SLC1A7: variants seen among roughly 807,000 people sequenced by gnomAD.
SLC1A7 encodes excitatory amino acid transporter 5.
In SLC1A7, 40 loss-of-function variants were observed where a neutral mutation model predicts 47.7. The ratio of observed to expected loss-of-function variants is 0.84; its 90% CI spans 0.65 to 1.09. SLC1A7 has a LOEUF of 1.09. SLC1A7 is among the 50% of genes least tolerant of loss of function. The pLI, the probability that SLC1A7 is intolerant of heterozygous loss-of-function variation, is 0.00. For synonymous variants in SLC1A7, 323 were observed against 325.6 expected, an observed-to-expected ratio of 0.99 and a Z score of 0.09; for missense variants, 746 against 769.5, an observed-to-expected ratio of 0.97 and a Z score of 0.36.
intron 5 of SLC1A7, among the ~76,000 whole-genome samples, chr1:53,100,609 TCGG>T (rs1644563466): frequency 6.6e-6 from 1 of 151,000 alleles, no homozygotes; most frequent in African/African-American, 2.4e-5. Context: ...ACAACCTGCC[TCGG>T]TACACTCACA....
At chr1:53,125,287 C>CAA (rs1433658749) in intron 2 of SLC1A7, among the ~76,000 whole-genome samples, 1 of 152,194 alleles carries the variant, frequency 6.6e-6, no homozygotes, top group African/African-American at 2.4e-5. Flanking sequence ...AGTTCCCCTG[C>CAA]AGGCAATTTT....
At chr1:53,110,262 A>G (rs1327963396) in intron 3 of SLC1A7, among the ~76,000 whole-genome samples, 1 of 152,190 alleles carries the variant, frequency 6.6e-6, no homozygotes, top group African/African-American at 2.4e-5. Flanking sequence ...CCAGGGCCAC[A>G]CAGTAACTTA....
chr1:53,116,064 T>G (rs920601524), intron 2 of SLC1A7: 1 of 152,248 alleles, frequency 6.6e-6, no homozygotes, highest in Non-Finnish European at 1.5e-5. Context: ...GTTTTAATCA[T>G]GTAAACAAGA....
At chr1:53,115,025 G>T in intron 2 of SLC1A7, 52 bp from the exon 3 acceptor site, 1 of 1,439,464 alleles carries the variant, frequency 6.9e-7, no homozygotes, top group Non-Finnish European at 9.7e-7. Flanking sequence ...GGGCCTGGCT[G>T]GCACTCAGCG....
chr1:53,124,875 A>G (rs1557686256), intron 2 of SLC1A7, among the ~76,000 whole-genome samples: 2 of 152,240 alleles, frequency 1.3e-5, no homozygotes, highest in African/African-American at 2.4e-5. Context: ...GTAAAACAGG[A>G]TCACCAAGGT....
At chr1:53,119,516 T>G (rs1037210435) in intron 2 of SLC1A7, among the ~76,000 whole-genome samples, 2 of 152,052 alleles carry the variant, frequency 1.3e-5, no homozygotes, top group Non-Finnish European at 1.5e-5. Context: ...GCCTGGCTAA[T>G]TTTTAAAAAT....
chr1:53,092,459 G>T, intron 7 of SLC1A7, 95 bp downstream of exon 7: 2 of 895,694 alleles, frequency 2.2e-6, no homozygotes, highest in Non-Finnish European at 3.6e-6. Context: ...CTGGCGTTTT[G>T]GTGGTTCTGT....
At chr1:53,091,823 G>T (rs1161910290) in intron 7 of SLC1A7, among the ~76,000 whole-genome samples, 1 of 152,194 alleles carries the variant, frequency 6.6e-6, no homozygotes, top group Non-Finnish European at 1.5e-5. Context: ...GCCATGGGGA[G>T]AGCCAAACTG....
intron 3 of SLC1A7, among the ~76,000 whole-genome samples, chr1:53,112,523 G>A (rs575632509): frequency 4.6e-5 from 7 of 152,346 alleles, no homozygotes; most frequent in African/African-American, 1.7e-4. Context: ...TTAGACAGTG[G>A]GTGGGAGCCT....
chr1:53,124,797 T>TCCCA (rs1421584490), intron 2 of SLC1A7, among the ~76,000 whole-genome samples: 1 of 152,206 alleles, frequency 6.6e-6, no homozygotes, highest in Non-Finnish European at 1.5e-5. Flanking sequence ...CTCAAGAGTC[T>TCCCA]AGCAGCCTCC....
intron 1 of SLC1A7, among the ~76,000 whole-genome samples, chr1:53,136,497 A>T (rs1644995487): frequency 6.8e-6 from 1 of 146,622 alleles, no homozygotes; most frequent in Non-Finnish European, 1.5e-5. Context: ...CCTGCCAACA[A>T]TATATTTTTA....
chr1:53,088,989 C>A lies in SLC1A7; in HGVS notation c.1362-10G>T. On this transcript the variant is annotated splice_polypyrimidine_tract_variant and intron_variant, in intron 9 of 10. Transcript: ENST00000371494. Reference sequence around the variant, plus strand: ...GGTGCGGAAACGGTCCCTGGTGAGCCAAGGTTGGGGGTGAGTGGTGGGCAC... The same window carrying A: ...GGTGCGGAAACGGTCCCTGGTGAGCAAAGGTTGGGGGTGAGTGGTGGGCAC... 6.2e-7 allele frequency: 1 copy of A among 1,612,422 alleles called. No individual in the cohort carries two copies. Among genetic ancestry groups the A allele is most frequent in the Non-Finnish European group, 8.5e-7 (1 of 1,178,610 alleles).
chr1:53,136,475 G>A (rs1036284633), intron 1 of SLC1A7, among the ~76,000 whole-genome samples: 2 of 147,180 alleles, frequency 1.4e-5, no homozygotes, highest in African/African-American at 5.0e-5. Flanking sequence ...TTACAGGCGT[G>A]AGCCACCATG....
intron 10 of SLC1A7, among the ~76,000 whole-genome samples, 178 bp from the exon 11 acceptor site, chr1:53,088,405 C>A (rs1282000501): frequency 6.6e-6 from 1 of 152,154 alleles, no homozygotes; most frequent in Non-Finnish European, 1.5e-5. Context: ...TGTTCCCAAG[C>A]GTCCTGCCTC....
chr1:53,139,612 T>G (rs1469352796), intron 1 of SLC1A7, among the ~76,000 whole-genome samples: 1 of 152,256 alleles, frequency 6.6e-6, no homozygotes, highest in African/African-American at 2.4e-5. Context: ...CCCTGCCTAG[T>G]GCAGCATCTT....
Position 53,088,946 on chromosome 1 carries a change from A to G in SLC1A7, c.1395T>C (p.Gly465=). The change falls in exon 10 of 11, where the codon GGT becomes GGC. Residue 465 remains glycine, a synonymous_variant. Transcript: ENST00000371494. ...DRFRTMINVL[G]DALAAGIMAH... is the part of the protein sequence containing the mutation. ...CCATGATCCCCGCTGCCAGCGCATC[A>G]CCCAGCACGTTAATCATGGTGCGGA... 6.2e-7 allele frequency: 1 copy of G among 1,614,058 alleles called. No individual in the cohort carries two copies. Among genetic ancestry groups the G allele is most frequent in the South Asian group, 1.1e-5 (1 of 91,080 alleles).
rs139648137 is a variant in SLC1A7 at position 53,092,732 on chromosome 1, C to T, written c.853G>A (p.Asp285Asn). The change falls in exon 7 of 11, where the codon GAC becomes AAC. Residue 285 changes from aspartate to asparagine, a missense_variant. Physicochemically the swap from Asp to Asn is conservative, Grantham distance 23. Coordinates refer to ENST00000371494, the MANE Select transcript of SLC1A7 (RefSeq NM_006671.6). Reference protein sequence around the residue: ...LIAGKILEMDDPRAVGKKLGF... With the variant: ...LIAGKILEMDNPRAVGKKLGF... ...AGCTTCTTGCCGACGGCCCTGGGGT[C>T]GTCCATCTCCAGGATCTTACCCGCA... is the stretch of plus-strand genomic sequence containing the variant. The T allele has an allele frequency of 6.8e-6, 11 of 1,613,876 alleles. No individual in the cohort carries two copies. The highest frequency in any genetic ancestry group is 2.7e-5 in the African/African-American group (2 of 74,908).
intron 5 of SLC1A7, among the ~76,000 whole-genome samples, chr1:53,095,531 C>A (rs865887693): frequency 6.6e-6 from 1 of 150,710 alleles, no homozygotes; most frequent in Non-Finnish European, 1.5e-5. Context: ...GTTACACTCA[C>A]ACCGCCTCGG....
Position 53,110,742 on chromosome 1 carries a change from G to A in SLC1A7, c.431+4016C>T, listed in dbSNP as rs114191399. Among the ~76,000 whole-genome samples the A allele has an allele frequency of 8.0e-3, 1,222 of 152,086 alleles. 16 individuals are homozygous for A. Among genetic ancestry groups the A allele is most frequent in the African/African-American group, 0.022 (895 of 41,486 alleles). On this transcript the variant is annotated intron_variant, in intron 3 of 10. Coordinates refer to ENST00000371494, the MANE Select transcript of SLC1A7 (RefSeq NM_006671.6). ...GGTTTCTTGAAGTTCCTCTTTCCTC[G>A]TCTTTAGGATGTTCACTCTCCTAGT...
Sources: gnomAD v4.1 joint callset for allele counts (sites outside exome capture counted in the v4.1 genomes callset) on GRCh38, gnomAD v4.1.1 for gene constraint, MANE v1.5 for transcripts, NCBI Gene and HGNC (gene_info 2026-07-23, HGNC 2026-07-21) for gene names.